Variants in IGF2R observed in about 807,000 individuals in gnomAD.
The protein encoded by IGF2R is insulin like growth factor 2 receptor.
In IGF2R, 91 loss-of-function variants were observed where a neutral mutation model predicts 270.6. The ratio of observed to expected loss-of-function variants is 0.34; its 90% CI spans 0.28 to 0.40. The LOEUF is 0.40. Among genes scored for constraint, IGF2R ranks in the 10% least tolerant of loss-of-function variants. The pLI, the probability that IGF2R is intolerant of heterozygous loss-of-function variation, is 1.00. For synonymous variants in IGF2R, 1,316 were observed against 1,258.9 expected, an observed-to-expected ratio of 1.05 and a Z score of -0.96; for missense variants, 2,805 against 3,188.3, an observed-to-expected ratio of 0.88 and a Z score of 2.90.
At position 160,073,211 on chromosome 6, in the gene IGF2R, A is replaced by G; in HGVS notation, c.4691-2A>G. 2 of 1,613,214 alleles carry G rather than the reference A, an allele frequency of 1.2e-6. No homozygotes were observed. Among genetic ancestry groups the G allele is most frequent in the Non-Finnish European group, 1.7e-6 (2 of 1,179,210 alleles). ...TTTCTCCGCCTTTCCCTTGTGGTGCAGGGGCCTGCTTTGGACAGACCAGGA... is the reference window on the plus strand; with the variant it reads ...TTTCTCCGCCTTTCCCTTGTGGTGCGGGGGCCTGCTTTGGACAGACCAGGA... On this transcript the variant is annotated splice_acceptor_variant, in intron 33 of 47. Coordinates refer to ENST00000356956, the MANE Select transcript of IGF2R (RefSeq NM_000876.4). LOFTEE classifies it high-confidence loss of function.
intron 4 of IGF2R, among the ~76,000 whole-genome samples, chr6:160,021,897 A>G (rs906859528): frequency 3.7e-4 from 57 of 152,224 alleles, no homozygotes; most frequent in African/African-American, 1.4e-3. Context: ...ACACAAAGTA[A>G]AAGAAATCTG....
At chr6:159,990,470 G>C (rs1365252143) in intron 1 of IGF2R, among the ~76,000 whole-genome samples, 2 of 152,190 alleles carry the variant, frequency 1.3e-5, no homozygotes, top group Non-Finnish European at 2.9e-5. Context: ...TGTCACGATT[G>C]TAAGTTTCTT....
At chr6:159,981,557 A>T (rs1783804543) in intron 1 of IGF2R, among the ~76,000 whole-genome samples, 1 of 152,166 alleles carries the variant, frequency 6.6e-6, no homozygotes, top group Admixed American at 6.5e-5. Flanking sequence ...GATTCAAATG[A>T]AAGCTTTAGA....
rs115839692 is a variant in IGF2R, at chr6:159,977,450, C to T, written c.149+8055C>T. On this transcript the variant is annotated intron_variant, in intron 1 of 47. Coordinates refer to ENST00000356956, the MANE Select transcript of IGF2R (RefSeq NM_000876.4). ...GATGTGCCTCTGTGGCTGTTCTTGGCGCTTTAGGTCCTTTCCACCCTCCCA... is the reference window on the plus strand; with the variant it reads ...GATGTGCCTCTGTGGCTGTTCTTGGTGCTTTAGGTCCTTTCCACCCTCCCA... 6.7e-3 allele frequency among the ~76,000 whole-genome samples: 1,024 copies of T among 152,018 alleles called. 15 individuals are homozygous for T. The highest frequency in any genetic ancestry group is 0.024 in the African/African-American group (973 of 41,392).
At chr6:160,059,734 C>T (rs1778394026) in intron 22 of IGF2R, among the ~76,000 whole-genome samples, 1 of 152,220 alleles carries the variant, frequency 6.6e-6, no homozygotes, top group Non-Finnish European at 1.5e-5. Flanking sequence ...CCCTGCTGCT[C>T]TTCCCGCTTG....
At chr6:160,012,764 T>TATATATATATATATA (rs538085462) in intron 4 of IGF2R, among the ~76,000 whole-genome samples, 10 of 60,420 alleles carry the variant, frequency 1.7e-4, no homozygotes, top group Non-Finnish European at 3.6e-4. Context: ...TATATATATA[T>TATATATATATATATA]TTTTTTTTTT....
chr6:160,074,028 T>C, intron 35 of IGF2R, 53 bp downstream of exon 35: 1 of 1,319,126 alleles, frequency 7.6e-7, no homozygotes, highest in Non-Finnish European at 1.1e-6. Flanking sequence ...CTTTTAGTGA[T>C]AACCTTTGCG....
rs1236100534 is a variant in IGF2R at position 160,084,229 on chromosome 6, G to A, written c.6068+45G>A. 8.6e-6 allele frequency: 10 copies of A among 1,164,150 alleles called. No homozygotes were observed. In the South Asian group the frequency reaches 1.2e-4, roughly 14 times the overall value. The allele number at this position is 1,164,150 out of a possible 1,614,324, so 72.1% of individuals were successfully genotyped here. On this transcript the variant is annotated intron_variant, in intron 40 of 47. Coordinates refer to ENST00000356956, the MANE Select transcript of IGF2R (RefSeq NM_000876.4). The surrounding 1 kb of genome is among the most constrained non-coding windows in gnomAD (Gnocchi z 4.6). The stretch of plus-strand genomic sequence containing the variant: ...ACCCGCGGCGCCACACCCTCAGCAT[G>A]TGAACTTCAGACTGCTTGACGATGG...
chr6:159,980,282 T>C (rs1783779053), intron 1 of IGF2R, among the ~76,000 whole-genome samples: 1 of 151,862 alleles, frequency 6.6e-6, no homozygotes, highest in East Asian at 1.9e-4. Context: ...TAGGGAACTA[T>C]GAGATCCCTA....
rs375820648 is a variant in IGF2R, at chr6:160,073,939, C to T, written c.5130C>T (p.Ala1710=). 6.1e-5 allele frequency: 99 copies of T among 1,613,876 alleles called. No homozygotes were observed. Among genetic ancestry groups the T allele is most frequent in the South Asian group, 2.4e-4 (22 of 91,006 alleles). Reference sequence around the variant, plus strand: ...ACGGAGTGCCCTGTCCTGCCGGAGCCGCTGTGTGCAAAGTTCCTATTGATG... The same window carrying T: ...ACGGAGTGCCCTGTCCTGCCGGAGCTGCTGTGTGCAAAGTTCCTATTGATG... ...PMHGVPCPAG[A]AVCKVPIDGP... is the part of the protein sequence containing the mutation. The change falls in exon 35 of 48, where the codon GCC becomes GCT. Residue 1710 remains alanine (A), a synonymous_variant. Transcript: ENST00000356956.
chr6:159,980,675 C>A (rs530869173), intron 1 of IGF2R, among the ~76,000 whole-genome samples: 1 of 152,124 alleles, frequency 6.6e-6, no homozygotes, highest in African/African-American at 2.4e-5. Context: ...GCTGACAGCC[C>A]GCAGGTTTTC....
intron 9 of IGF2R, among the ~76,000 whole-genome samples, chr6:160,033,375 A>G (rs558437683): frequency 4.4e-4 from 67 of 152,254 alleles, no homozygotes; most frequent in African/African-American, 1.6e-3. Flanking sequence ...TGCCTCGGTG[A>G]TCCTCCCACA....
chr6:160,074,152 C>T (rs181205425), intron 35 of IGF2R, 177 bp downstream of exon 35: 1 of 599,508 alleles, frequency 1.7e-6, no homozygotes, highest in East Asian at 2.8e-5. Flanking sequence ...GCACATTGAA[C>T]TGTTCGCTGA....
chr6:160,079,557 G>A (rs369036583), intron 37 of IGF2R, 23 bp from the exon 38 acceptor site: 12 of 1,399,484 alleles, frequency 8.6e-6, no homozygotes, highest in African/African-American at 4.4e-5. Context: ...CTCTGCTGAC[G>A]GCCACGCATG....
Position 160,073,193 on chromosome 6 carries a change from G to A in IGF2R, c.4691-20G>A, listed in dbSNP as rs747999880. ...TCGAGTCTGTGATTGTGTTTTCTCC[G>A]CCTTTCCCTTGTGGTGCAGGGGCCT... On this transcript the variant is annotated intron_variant, in intron 33 of 47. Coordinates refer to ENST00000356956, the MANE Select transcript of IGF2R (RefSeq NM_000876.4). The A allele has an allele frequency of 1.7e-5, 27 of 1,607,514 alleles. No individual in the cohort carries two copies. Among genetic ancestry groups the A allele is most frequent in the Middle Eastern group, 1.7e-4 (1 of 6,028 alleles).
At chr6:159,987,575 A>G (rs776132337) in intron 1 of IGF2R, among the ~76,000 whole-genome samples, 7 of 152,198 alleles carry the variant, frequency 4.6e-5, no homozygotes, top group African/African-American at 9.7e-5. Flanking sequence ...TATTTTTAGT[A>G]GAGACGGAGT....
At chr6:160,047,478 T>C (rs1778095175) in intron 16 of IGF2R, 142 bp downstream of exon 16, 2 of 723,440 alleles carry the variant, frequency 2.8e-6, no homozygotes, top group Non-Finnish European at 2.2e-6. Context: ...CTGGGCAGTA[T>C]TAGTATTTTA....
intron 4 of IGF2R, among the ~76,000 whole-genome samples, chr6:160,011,083 G>C (rs1204902669): frequency 6.6e-6 from 1 of 152,178 alleles, no homozygotes; most frequent in East Asian, 1.9e-4. Flanking sequence ...TAAACTAAGT[G>C]ACGTGTTTGG....
At chr6:159,993,153 CT>C (rs1784003531) in intron 2 of IGF2R, among the ~76,000 whole-genome samples, 1 of 152,024 alleles carries the variant, frequency 6.6e-6, no homozygotes, top group Non-Finnish European at 1.5e-5. Context: ...GATGTTAGTC[CT>C]TTGTCAGATG....
Sources: gnomAD v4.1 joint callset for allele counts (sites outside exome capture counted in the v4.1 genomes callset) on GRCh38, gnomAD v4.1.1 for gene constraint, Gnocchi (gnomAD v3.1) non-coding constraint, MANE v1.5 for transcripts, NCBI Gene and HGNC (gene_info 2026-07-23, HGNC 2026-07-21) for gene names.